UST: variants seen among roughly 807,000 people sequenced by gnomAD.
UST encodes chondroitin sulfate 2-O-sulfotransferase.
Under a neutral mutation model 45.6 loss-of-function variants are expected in UST, and 21 were observed. The observed-to-expected ratio is 0.46, with a 90% CI of 0.33 to 0.66. The LOEUF (loss-of-function observed/expected upper bound fraction) is 0.66. Among genes scored for constraint, UST ranks in the 30% least tolerant of loss-of-function variants. UST has a pLI of 0.02. For missense variants in UST, 463 were observed against 512.4 expected, an observed-to-expected ratio of 0.90 and a Z score of 0.93; for synonymous variants, 215 against 200.6, an observed-to-expected ratio of 1.07 and a Z score of -0.61.
intron 7 of UST, among the ~76,000 whole-genome samples, chr6:149,024,628 C>T (rs1161694290): frequency 6.6e-6 from 1 of 152,186 alleles, no homozygotes; most frequent in African/African-American, 2.4e-5. Context: ...CTCATCACCA[C>T]AACTGAGTTG....
At chr6:148,966,264 A>G (rs1001904011) in intron 5 of UST, among the ~76,000 whole-genome samples, 1 of 151,804 alleles carries the variant, frequency 6.6e-6, no homozygotes, top group Non-Finnish European at 1.5e-5. Context: ...ATAAAAAACT[A>G]TAGGTTATGA....
chr6:148,916,482 G>A (rs942423279), intron 2 of UST, among the ~76,000 whole-genome samples: 2 of 152,194 alleles, frequency 1.3e-5, no homozygotes, highest in Admixed American at 6.5e-5. Context: ...GGGGTTCACA[G>A]TGTTAGTGCA....
intron 1 of UST, among the ~76,000 whole-genome samples, chr6:148,792,129 C>CT (rs1313548784): frequency 6.6e-6 from 1 of 152,216 alleles, no homozygotes; most frequent in Non-Finnish European, 1.5e-5. Context: ...ATGTCTCTCT[C>CT]TGCTTCTTTC....
chr6:148,924,638 T>G (rs78305308), intron 2 of UST, among the ~76,000 whole-genome samples: 14,280 of 152,186 alleles, frequency 0.094, 849 homozygotes, highest in Middle Eastern at 0.13. Flanking sequence ...GATACGTTAG[T>G]GTGGGGGGAC....
At chr6:149,033,241 C>T (rs184411229) in intron 7 of UST, among the ~76,000 whole-genome samples, 6 of 152,332 alleles carry the variant, frequency 3.9e-5, no homozygotes, top group Admixed American at 1.3e-4. Flanking sequence ...GCCCTTGGCT[C>T]GTGGCCTTAG....
At chr6:148,805,121 G>A (rs1777122653) in intron 1 of UST, among the ~76,000 whole-genome samples, 1 of 152,134 alleles carries the variant, frequency 6.6e-6, no homozygotes, top group Non-Finnish European at 1.5e-5. Flanking sequence ...TGTACATAAA[G>A]TAGACCATTT....
At chr6:148,869,225 A>G (rs1425392089) in intron 1 of UST, among the ~76,000 whole-genome samples, 1 of 152,198 alleles carries the variant, frequency 6.6e-6, no homozygotes, top group Admixed American at 6.5e-5. Flanking sequence ...TGTTGTGTTT[A>G]TCTGTGCATA....
intron 1 of UST, among the ~76,000 whole-genome samples, chr6:148,793,827 A>C (rs952517924): frequency 2.0e-5 from 3 of 152,132 alleles, no homozygotes; most frequent in Admixed American, 2.0e-4. Flanking sequence ...CAGTTTGTTC[A>C]ATTTCACTGC....
chr6:148,897,237 G>A (rs569052223), intron 2 of UST, among the ~76,000 whole-genome samples: 11 of 151,192 alleles, frequency 7.3e-5, no homozygotes, highest in South Asian at 2.1e-4. Flanking sequence ...GTATGATCTC[G>A]GCTCACTGCA....
At chr6:148,983,428 A>G (rs184320867) in intron 5 of UST, among the ~76,000 whole-genome samples, 12 of 152,288 alleles carry the variant, frequency 7.9e-5, no homozygotes, top group Admixed American at 7.2e-4. Flanking sequence ...GTCTTTTAAC[A>G]TGGGATCCCA....
At chr6:148,827,350 C>T (rs1038987644) in intron 1 of UST, among the ~76,000 whole-genome samples, 4 of 152,050 alleles carry the variant, frequency 2.6e-5, no homozygotes, top group Admixed American at 6.5e-5. Context: ...GGGCCGGCCG[C>T]GGTGGTTCAC....
intron 6 of UST, among the ~76,000 whole-genome samples, chr6:149,020,449 T>C (rs959019915): frequency 6.6e-6 from 1 of 152,220 alleles, no homozygotes; most frequent in African/African-American, 2.4e-5. Flanking sequence ...TTGAACTCCC[T>C]AAAGTATTTT....
chr6:148,882,382 AG>A (rs1422448626), intron 1 of UST, among the ~76,000 whole-genome samples: 2 of 148,152 alleles, frequency 1.3e-5, no homozygotes, highest in African/African-American at 5.0e-5. Flanking sequence ...GCTACTCGGG[AG>A]GCTGAGGCAG....
Position 148,906,006 on chromosome 6 carries a change from T to C in UST, c.291+18977T>C, listed in dbSNP as rs140552726. ...ATTTTATACATCTTTTTTGGCTTAATGGATATGTACTAATTATGTGTACCT... is the reference window on the plus strand; with the variant it reads ...ATTTTATACATCTTTTTTGGCTTAACGGATATGTACTAATTATGTGTACCT... On this transcript the variant is annotated intron_variant, in intron 2 of 7. Transcript: ENST00000367463. Among the ~76,000 whole-genome samples the C allele has an allele frequency of 2.1e-3, 315 of 152,364 alleles. 1 individual carries two copies. Among genetic ancestry groups the C allele is most frequent in the African/African-American group, 7.4e-3 (309 of 41,584 alleles).
intron 5 of UST, chr6:149,005,365 A>G: frequency 1.0e-6 from 1 of 985,470 alleles, no homozygotes; most frequent in Non-Finnish European, 1.2e-6. Flanking sequence ...AGACTCCAGA[A>G]GCTGGAGAAG....
At chr6:148,881,028 A>T (rs1161503966) in intron 1 of UST, among the ~76,000 whole-genome samples, 1 of 137,130 alleles carries the variant, frequency 7.3e-6, no homozygotes, top group African/African-American at 2.8e-5. Flanking sequence ...GACTCCGTCT[A>T]AAAAAAAAAA....
At chr6:148,765,192 A>T (rs1776299860) in intron 1 of UST, among the ~76,000 whole-genome samples, 1 of 152,046 alleles carries the variant, frequency 6.6e-6, no homozygotes. Flanking sequence ...AACACCACTT[A>T]TTGTTTCAGC....
chr6:148,916,670 T>G (rs868494849), intron 2 of UST, among the ~76,000 whole-genome samples: 16 of 151,838 alleles, frequency 1.1e-4, no homozygotes, highest in Admixed American at 8.5e-4. Flanking sequence ...TTGAGTCACA[T>G]CCCTTGTGGG....
At chr6:148,897,205 T>C (rs1023519514) in intron 2 of UST, among the ~76,000 whole-genome samples, 1 of 152,190 alleles carries the variant, frequency 6.6e-6, no homozygotes, top group Non-Finnish European at 1.5e-5. Context: ...TCTCACACTG[T>C]CGTCCAGGCT....
Sources: gnomAD v4.1 joint callset for allele counts (sites outside exome capture counted in the v4.1 genomes callset) on GRCh38, gnomAD v4.1.1 for gene constraint, MANE v1.5 for transcripts, NCBI Gene and HGNC (gene_info 2026-07-23, HGNC 2026-07-21) for gene names.